GALNT11: variants seen among roughly 807,000 people sequenced by gnomAD.
The protein encoded by GALNT11 is UDP-GalNAc:polypeptide N-acetylgalactosaminyltransferase 11.
GALNT11 carries 47 observed loss-of-function variants against 72.7 expected under a neutral mutation model. The ratio of observed to expected loss-of-function variants is 0.65; its 90% CI spans 0.51 to 0.82. The LOEUF (loss-of-function observed/expected upper bound fraction) is 0.82. GALNT11 is among the 40% of genes least tolerant of loss of function. GALNT11 has a pLI of 0.00. For synonymous variants in GALNT11, 270 were observed against 286.6 expected, an observed-to-expected ratio of 0.94 and a Z score of 0.58; for missense variants, 677 against 778.4, an observed-to-expected ratio of 0.87 and a Z score of 1.55.
intron 1 of GALNT11, among the ~76,000 whole-genome samples, chr7:152,090,105 G>C (rs1399768864): frequency 2.6e-5 from 4 of 152,178 alleles, no homozygotes; most frequent in South Asian, 2.1e-4. Flanking sequence ...GTTATAGGGA[G>C]GGGCTGTTAT....
chr7:152,105,802 A>G (rs1477600031), intron 5 of GALNT11, among the ~76,000 whole-genome samples: 1 of 152,222 alleles, frequency 6.6e-6, no homozygotes, highest in Non-Finnish European at 1.5e-5. Context: ...GGAGCCACAC[A>G]TCATGACTTT....
Position 152,110,650 on chromosome 7 carries a change from T to C in GALNT11, c.1080+5T>C. On this transcript the variant is annotated splice_donor_5th_base_variant and intron_variant, in intron 7 of 11. Coordinates refer to ENST00000430044, the MANE Select transcript of GALNT11 (RefSeq NM_022087.4). Reference sequence around the variant, plus strand: ...AATTTGGAAATATCATTTCGGGTAATTTAATTTTTGCATGCTCAATTAATA... The same window carrying C: ...AATTTGGAAATATCATTTCGGGTAACTTAATTTTTGCATGCTCAATTAATA... The C allele has an allele frequency of 6.4e-7, 1 of 1,573,716 alleles. No individual in the cohort carries two copies. The highest frequency in any genetic ancestry group is 8.7e-7 in the Non-Finnish European group (1 of 1,147,020).
intron 1 of GALNT11, among the ~76,000 whole-genome samples, chr7:152,038,283 G>A (rs979957217): frequency 1.2e-4 from 19 of 152,154 alleles, no homozygotes; most frequent in Admixed American, 1.2e-3. Flanking sequence ...CATATTTATT[G>A]ACAGCAAGCC....
At chr7:152,097,598 C>A (rs951034914) in intron 2 of GALNT11, among the ~76,000 whole-genome samples, 22 of 152,228 alleles carry the variant, frequency 1.4e-4, no homozygotes, top group Non-Finnish European at 2.9e-4. Context: ...AACATGTTAT[C>A]CAAATATCCA....
intron 1 of GALNT11, among the ~76,000 whole-genome samples, chr7:152,036,364 ATTTTAC>A (rs1338114467): frequency 4.6e-5 from 7 of 152,166 alleles, no homozygotes; most frequent in African/African-American, 9.7e-5. Flanking sequence ...TACCTGGCTT[ATTTTAC>A]TTAACATAAT....
Position 152,100,916 on chromosome 7 carries a change from T to C in GALNT11, c.414T>C (p.Asn138=), listed in dbSNP as rs140670959. The C allele has an allele frequency of 2.5e-6, 4 of 1,613,690 alleles. No homozygotes were observed. Among genetic ancestry groups the C allele is most frequent in the Non-Finnish European group, 3.4e-6 (4 of 1,179,842 alleles). The part of the protein sequence containing the change: ...GYHRDVPDTR[N]AACKEKFYPP... ...ACAGAGATGTGCCAGACACAAGGAA[T>C]GCAGCGTATGTGCCTTATCGGATTT... Residue 138 remains asparagine (N), a synonymous_variant, in exon 3 of 12, where the codon AAT becomes AAC. Transcript: ENST00000430044.
chr7:152,045,103 T>C (rs1362785333), intron 1 of GALNT11, among the ~76,000 whole-genome samples: 1 of 152,216 alleles, frequency 6.6e-6, no homozygotes, highest in Non-Finnish European at 1.5e-5. Context: ...TTTGTGTATG[T>C]TGAACCATCC....
At chr7:152,110,977 C>T (rs2088125510) in intron 7 of GALNT11, among the ~76,000 whole-genome samples, 1 of 150,676 alleles carries the variant, frequency 6.6e-6, no homozygotes, top group African/African-American at 2.4e-5. Flanking sequence ...CTGCCTCGGC[C>T]TCCCAGAGTG....
intron 1 of GALNT11, among the ~76,000 whole-genome samples, chr7:152,033,108 C>T (rs1028990648): frequency 1.3e-5 from 2 of 152,200 alleles, no homozygotes; most frequent in African/African-American, 4.8e-5. Flanking sequence ...CCGAGGCACC[C>T]TCAAGTCCTG....
intron 5 of GALNT11, 63 bp from the exon 6 acceptor site, chr7:152,107,975 G>T (rs543592006): frequency 1.1e-5 from 17 of 1,547,274 alleles, no homozygotes; most frequent in Middle Eastern, 2.2e-4. Flanking sequence ...CCCATTGGAC[G>T]GGTGGTTGTA....
intron 10 of GALNT11, chr7:152,120,183 AAC>A (rs886809887): frequency 6.6e-6 from 1 of 152,432 alleles, no homozygotes; most frequent in African/African-American, 2.4e-5. Flanking sequence ...ATGAGACAAT[AAC>A]AGTGTTGCAG....
At chr7:152,108,427 G>C in intron 6 of GALNT11, 140 bp downstream of exon 6, 4 of 1,307,704 alleles carry the variant, frequency 3.1e-6, no homozygotes, top group Non-Finnish European at 4.1e-6. Flanking sequence ...TCTTGAGTAC[G>C]TATTGAATTT....
At chr7:152,113,219 T>A (rs1400347647) in intron 7 of GALNT11, 27 bp from the exon 8 acceptor site, 10 of 1,594,510 alleles carry the variant, frequency 6.3e-6, no homozygotes, top group Non-Finnish European at 8.5e-6. Context: ...GAGGCAACTG[T>A]TAACACCTGT....
At chr7:152,043,644 A>G (rs1316978850) in intron 1 of GALNT11, among the ~76,000 whole-genome samples, 1 of 152,192 alleles carries the variant, frequency 6.6e-6, no homozygotes, top group Non-Finnish European at 1.5e-5. Flanking sequence ...CTTGAGGTGC[A>G]GCTTGAACAG....
intron 1 of GALNT11, among the ~76,000 whole-genome samples, chr7:152,035,043 A>C (rs1384307156): frequency 2.0e-5 from 3 of 152,216 alleles, no homozygotes; most frequent in East Asian, 3.9e-4. Flanking sequence ...GAGGGAGGGG[A>C]GGGATCTCCA....
intron 5 of GALNT11, chr7:152,107,126 T>G (rs923745318): frequency 6.6e-6 from 1 of 152,154 alleles, no homozygotes; most frequent in African/African-American, 2.4e-5. Context: ...AAGTAGTTCA[T>G]GTAAAATCTT....
chr7:152,085,334 C>G (rs896655147), intron 1 of GALNT11, among the ~76,000 whole-genome samples: 6 of 152,180 alleles, frequency 3.9e-5, no homozygotes, highest in African/African-American at 1.4e-4. Context: ...GCCTTTTATT[C>G]ATTTAACTTT....
At chr7:152,115,490 T>C (rs2088741418) in intron 8 of GALNT11, among the ~76,000 whole-genome samples, 1 of 152,238 alleles carries the variant, frequency 6.6e-6, no homozygotes, top group African/African-American at 2.4e-5. Flanking sequence ...TGCTGTGTAC[T>C]GAAGTACGGT....
At chr7:152,066,111 G>A (rs2084294448) in intron 1 of GALNT11, among the ~76,000 whole-genome samples, 1 of 152,238 alleles carries the variant, frequency 6.6e-6, no homozygotes, top group South Asian at 2.1e-4. Flanking sequence ...TGGCTGCTTT[G>A]TTTACCTACT....
Sources: allele counts gnomAD v4.1 joint callset (sites outside exome capture counted in the v4.1 genomes callset), GRCh38; gene constraint gnomAD v4.1.1; transcripts MANE v1.5; gene names NCBI Gene and HGNC (gene_info 2026-07-23, HGNC 2026-07-21).